Variants in DCC observed in about 807,000 individuals in gnomAD.
DCC encodes the protein DCC netrin 1 receptor.
In DCC, 58 loss-of-function variants were observed where a neutral mutation model predicts 172.5. That is an observed-to-expected ratio of 0.34 (90% CI 0.27 to 0.42). The LOEUF is 0.42. Among genes scored for constraint, DCC ranks in the 10% least tolerant of loss-of-function variants. The pLI is 1.00. For synonymous variants in DCC, 709 were observed against 644.5 expected, an observed-to-expected ratio of 1.10 and a Z score of -1.52; for missense variants, 1,740 against 1,791.0, an observed-to-expected ratio of 0.97 and a Z score of 0.51.
At chr18:52,890,193 T>C (rs1002528583) in intron 2 of DCC, among the ~76,000 whole-genome samples, 1 of 152,166 alleles carries the variant, frequency 6.6e-6, no homozygotes, top group Admixed American at 6.5e-5. Context: ...TCAACAAATA[T>C]TTACTGAGTG....
chr18:53,322,180 A>G lies in DCC; in HGVS notation c.2164+23A>G, dbSNP rs768432120. On this transcript the variant is annotated intron_variant, in intron 14 of 28. Transcript: ENST00000442544. ...ATGGTAAGACTTTTTCCCAGTTACT[A>G]TCACTCTGATTATCTTCTTGTTATC... is the stretch of plus-strand genomic sequence containing the variant. The G allele has an allele frequency of 1.3e-5, 15 of 1,164,022 alleles. No individual in the cohort carries two copies. The Middle Eastern group carries it at 5.8e-4, about 45-fold the overall frequency. 72.1% of individuals were successfully genotyped at this position (1,164,022 alleles called of 1,614,324 possible). A position where few individuals can be genotyped will look rare whatever the true frequency, so the allele number is the denominator to read the frequency against.
At chr18:53,285,307 G>T (rs2056922839) in intron 12 of DCC, among the ~76,000 whole-genome samples, 1 of 152,106 alleles carries the variant, frequency 6.6e-6, no homozygotes. Flanking sequence ...TGGGCTCAGG[G>T]TCCCTCTATT....
At chr18:52,712,731 A>T (rs188887714) in intron 1 of DCC, among the ~76,000 whole-genome samples, 3 of 152,348 alleles carry the variant, frequency 2.0e-5, no homozygotes, top group East Asian at 3.9e-4. Flanking sequence ...TTACATAGTT[A>T]CCAGTGTTGC....
chr18:53,161,811 C>T (rs1427998267), intron 8 of DCC, among the ~76,000 whole-genome samples: 1 of 152,118 alleles, frequency 6.6e-6, no homozygotes, highest in Non-Finnish European at 1.5e-5. Flanking sequence ...GTCATCAACT[C>T]TTGGCAGTAC....
chr18:53,306,200 T>A (rs528812793), intron 13 of DCC, among the ~76,000 whole-genome samples: 21 of 152,326 alleles, frequency 1.4e-4, no homozygotes, highest in African/African-American at 5.1e-4. Context: ...TATGCAGCAA[T>A]ATTGATAGAA....
At chr18:53,416,272 C>A in intron 21 of DCC, 116 bp downstream of exon 21, 2 of 785,482 alleles carry the variant, frequency 2.5e-6, no homozygotes, top group Non-Finnish European at 4.5e-6. Context: ...ATGAAGCAGA[C>A]ACTGGCGTGA....
chr18:53,000,359 C>T (rs902485286), intron 5 of DCC, among the ~76,000 whole-genome samples: 34 of 152,008 alleles, frequency 2.2e-4, no homozygotes, highest in Admixed American at 1.8e-3. Context: ...TTATTGACTA[C>T]GTCAGCCTTC....
intron 2 of DCC, among the ~76,000 whole-genome samples, chr18:52,815,068 C>A (rs2038268309): frequency 6.6e-6 from 1 of 152,044 alleles, no homozygotes; most frequent in East Asian, 1.9e-4. Context: ...ACGGGGTGGG[C>A]TGGGGGTATC....
At chr18:52,755,745 G>A (rs2037067232) in intron 2 of DCC, among the ~76,000 whole-genome samples, 1 of 152,130 alleles carries the variant, frequency 6.6e-6, no homozygotes, top group Non-Finnish European at 1.5e-5. Context: ...AAAATGTTTT[G>A]TACTCTCAGG....
rs1258531677 is a variant in DCC at position 52,420,091 on chromosome 18, A to G, written c.91+79213A>G. Among the ~76,000 whole-genome samples, 8 of 152,300 alleles carry G rather than the reference A, an allele frequency of 5.3e-5. No individual in the cohort carries two copies. In the East Asian group the frequency reaches 7.7e-4, roughly 15 times the overall value. On this transcript the variant is annotated intron_variant, in intron 1 of 28. Coordinates refer to ENST00000442544, the MANE Select transcript of DCC (RefSeq NM_005215.4). ...CAAAGTTGTATTTTTCCAAATGTCC[A>G]CATTATTTTTCGGTTTTGCATATCC...
chr18:53,195,107 A>G (rs1335869246), intron 9 of DCC, among the ~76,000 whole-genome samples: 1 of 152,212 alleles, frequency 6.6e-6, no homozygotes, highest in Non-Finnish European at 1.5e-5. Flanking sequence ...TGAGTATTTA[A>G]TACTTGGCCC....
intron 1 of DCC, among the ~76,000 whole-genome samples, chr18:52,373,887 C>CTTT (rs779518696): frequency 0.1 from 14,010 of 139,124 alleles, 891 homozygotes; most frequent in Non-Finnish European, 0.13. Context: ...TTGGTTGCAT[C>CTTT]ATTTTTTTTT....
At chr18:52,978,249 G>A (rs1406089539) in intron 5 of DCC, among the ~76,000 whole-genome samples, 2 of 151,926 alleles carry the variant, frequency 1.3e-5, no homozygotes, top group Non-Finnish European at 2.9e-5. Context: ...GCTGGAAGAG[G>A]GGCAAAACCA....
At chr18:52,609,310 T>C (rs1232091799) in intron 1 of DCC, among the ~76,000 whole-genome samples, 1 of 152,036 alleles carries the variant, frequency 6.6e-6, no homozygotes, top group Non-Finnish European at 1.5e-5. Flanking sequence ...GGAAATTTAG[T>C]TGTGTTGACA....
chr18:53,377,414 C>G (rs991294593), intron 15 of DCC, among the ~76,000 whole-genome samples: 1 of 147,492 alleles, frequency 6.8e-6, no homozygotes, highest in African/African-American at 2.5e-5. Flanking sequence ...TCATCCTTTT[C>G]AACAGGAACC....
intron 11 of DCC, among the ~76,000 whole-genome samples, chr18:53,214,235 C>A (rs1232278174): frequency 6.6e-6 from 1 of 151,862 alleles, no homozygotes; most frequent in African/African-American, 2.4e-5. Flanking sequence ...ACACTGGCTG[C>A]AACCTTCATC....
At chr18:53,188,596 T>G (rs2055321014) in intron 9 of DCC, among the ~76,000 whole-genome samples, 2 of 152,184 alleles carry the variant, frequency 1.3e-5, no homozygotes, top group Admixed American at 6.5e-5. Flanking sequence ...AATAAGTAAG[T>G]GAACTTGTTA....
At chr18:52,644,541 C>T (rs1373249132) in intron 1 of DCC, among the ~76,000 whole-genome samples, 9 of 144,104 alleles carry the variant, frequency 6.2e-5, no homozygotes, top group African/African-American at 1.0e-4. Flanking sequence ...ATTGCGCCAC[C>T]GTACTCCAGC....
chr18:53,157,281 G>A lies in DCC; in HGVS notation c.1262-75G>A, dbSNP rs569882976. 51 of 1,584,682 alleles carry A rather than the reference G, an allele frequency of 3.2e-5. No individual in the cohort carries two copies. The South Asian group carries it at 4.7e-4, about 14-fold the overall frequency. On this transcript the variant is annotated intron_variant, in intron 7 of 28. Coordinates refer to ENST00000442544, the MANE Select transcript of DCC (RefSeq NM_005215.4). ...ATGACATGGAGATGCTTGCTAATAG[G>A]TTGGCTCTGCCTTCCTACCCAATTC...
Sources: gnomAD v4.1 joint callset for allele counts (sites outside exome capture counted in the v4.1 genomes callset) on GRCh38, gnomAD v4.1.1 for gene constraint, MANE v1.5 for transcripts, NCBI Gene and HGNC (gene_info 2026-07-23, HGNC 2026-07-21) for gene names.